The following LRRC4C variants were observed in gnomAD, a reference collection of about 807,000 sequenced individuals.
The protein encoded by LRRC4C is leucine rich repeat containing 4C.
A neutral mutation model predicts 33.6 loss-of-function variants in LRRC4C; 5 were observed. That is an observed-to-expected ratio of 0.15 (90% CI 0.08 to 0.31). The LOEUF is 0.31. Ranked by LOEUF, LRRC4C falls within the 10% of genes least tolerant of loss-of-function variation. LRRC4C has a pLI of 1.00. For synonymous variants in LRRC4C, 329 were observed against 302.0 expected, an observed-to-expected ratio of 1.09 and a Z score of -0.93; for missense variants, 560 against 796.7, an observed-to-expected ratio of 0.70 and a Z score of 3.58.
At chr11:41,454,277 A>G (rs1373363255) in intron 1 of LRRC4C, among the ~76,000 whole-genome samples, 1 of 152,144 alleles carries the variant, frequency 6.6e-6, no homozygotes, top group Non-Finnish European at 1.5e-5. Flanking sequence ...AATAAAGGTC[A>G]CACAGAATGA....
chr11:41,325,244 A>AG (rs1429079939), intron 1 of LRRC4C, among the ~76,000 whole-genome samples: 5 of 152,156 alleles, frequency 3.3e-5, no homozygotes, highest in African/African-American at 1.2e-4. Context: ...ATGTATATTA[A>AG]GCTTGTGAAT....
chr11:40,319,122 T>C (rs1436900604), intron 4 of LRRC4C, among the ~76,000 whole-genome samples: 2 of 152,214 alleles, frequency 1.3e-5, no homozygotes, highest in Non-Finnish European at 2.9e-5. Flanking sequence ...ATTTCTATTT[T>C]TCTTTCTTCC....
At chr11:41,314,756 G>T (rs1764773408) in intron 1 of LRRC4C, among the ~76,000 whole-genome samples, 1 of 151,666 alleles carries the variant, frequency 6.6e-6, no homozygotes, top group South Asian at 2.1e-4. Context: ...ATGTATCAAA[G>T]CTACATATTG....
chr11:40,193,563 G>A (rs927265502), intron 5 of LRRC4C, among the ~76,000 whole-genome samples: 1 of 150,700 alleles, frequency 6.6e-6, no homozygotes, highest in African/African-American at 2.5e-5. Flanking sequence ...AAAGGATCAC[G>A]ACTCCTCGCC....
chr11:41,162,499 A>C (rs762353167), intron 1 of LRRC4C, among the ~76,000 whole-genome samples: 27 of 152,180 alleles, frequency 1.8e-4, no homozygotes, highest in Admixed American at 5.9e-4. Context: ...CAAAAATCAT[A>C]GGGTGTATTT....
intron 5 of LRRC4C, among the ~76,000 whole-genome samples, chr11:40,143,130 A>G (rs553921228): frequency 1.3e-5 from 2 of 152,186 alleles, no homozygotes; most frequent in African/African-American, 4.8e-5. Context: ...TCACCCATGC[A>G]TTGGAAATTC....
At chr11:40,273,960 G>T (rs371722823) in intron 4 of LRRC4C, among the ~76,000 whole-genome samples, 2 of 152,020 alleles carry the variant, frequency 1.3e-5, no homozygotes, top group African/African-American at 4.8e-5. Flanking sequence ...TCCCCACGAG[G>T]TAGGGGGCAG....
At chr11:41,003,640 G>A (rs776641019) in intron 1 of LRRC4C, among the ~76,000 whole-genome samples, 1 of 151,148 alleles carries the variant, frequency 6.6e-6, no homozygotes, top group Non-Finnish European at 1.5e-5. Flanking sequence ...AAAACATGAA[G>A]GAAAAATATT....
At chr11:41,069,018 A>G (rs1449296215) in intron 1 of LRRC4C, among the ~76,000 whole-genome samples, 1 of 152,230 alleles carries the variant, frequency 6.6e-6, no homozygotes, top group East Asian at 1.9e-4. Context: ...AAAAATCCTC[A>G]GTAAAATACT....
At chr11:40,642,082 T>G (rs1479384025) in intron 3 of LRRC4C, among the ~76,000 whole-genome samples, 3 of 150,372 alleles carry the variant, frequency 2.0e-5, no homozygotes, top group Non-Finnish European at 4.4e-5. Flanking sequence ...CATGGGTGGG[T>G]GGGATTGACA....
At chr11:40,454,172 G>GTT (rs35415208) in intron 3 of LRRC4C, among the ~76,000 whole-genome samples, 10 of 138,442 alleles carry the variant, frequency 7.2e-5, no homozygotes, top group Non-Finnish European at 8.0e-5. Context: ...CTTGATTAAA[G>GTT]TTTTTTTTTT....
intron 2 of LRRC4C, among the ~76,000 whole-genome samples, chr11:40,862,742 AC>A (rs953767148): frequency 3.3e-5 from 5 of 152,268 alleles, no homozygotes; most frequent in African/African-American, 1.2e-4. Context: ...TGTCACCTAG[AC>A]CCACAATTTT....
intron 1 of LRRC4C, among the ~76,000 whole-genome samples, chr11:41,077,857 C>T (rs1232924699): frequency 3.3e-5 from 5 of 152,184 alleles, no homozygotes; most frequent in Admixed American, 2.6e-4. Context: ...TAAACATAAG[C>T]TTCAATTTCA....
intron 3 of LRRC4C, among the ~76,000 whole-genome samples, chr11:40,627,600 A>G (rs1027283601): frequency 6.6e-6 from 1 of 152,150 alleles, no homozygotes; most frequent in African/African-American, 2.4e-5. Flanking sequence ...CTTTGATACT[A>G]ATGTCTTCTT....
chr11:40,487,130 G>A (rs1203144239), intron 3 of LRRC4C, among the ~76,000 whole-genome samples: 3 of 152,032 alleles, frequency 2.0e-5, no homozygotes, highest in Non-Finnish European at 4.4e-5. Flanking sequence ...GCTACTATCC[G>A]TGAACTGACA....
chr11:40,298,383 G>A (rs1188522842), intron 4 of LRRC4C, among the ~76,000 whole-genome samples: 1 of 150,928 alleles, frequency 6.6e-6, no homozygotes, highest in Non-Finnish European at 1.5e-5. Flanking sequence ...TGAGTTAACT[G>A]CTTGCTGATC....
chr11:40,826,486 C>A (rs1952175051), intron 2 of LRRC4C, among the ~76,000 whole-genome samples: 1 of 151,756 alleles, frequency 6.6e-6, no homozygotes, highest in Non-Finnish European at 1.5e-5. Context: ...GTGCCATACG[C>A]CCCCTTCTTT....
At chr11:41,084,786 T>G (rs1590493148) in intron 1 of LRRC4C, among the ~76,000 whole-genome samples, 1 of 151,966 alleles carries the variant, frequency 6.6e-6, no homozygotes, top group African/African-American at 2.4e-5. Context: ...AAGGTGGAGG[T>G]TGCAGTGAGC....
chr11:41,249,205 T>A (rs1948556257), intron 1 of LRRC4C, among the ~76,000 whole-genome samples: 2 of 152,056 alleles, frequency 1.3e-5, no homozygotes, highest in African/African-American at 4.8e-5. Context: ...TGGCTAATTT[T>A]TTGTATTTTT....
Sources: allele counts gnomAD v4.1 joint callset (sites outside exome capture counted in the v4.1 genomes callset), GRCh38; gene constraint gnomAD v4.1.1; transcripts MANE v1.5; gene names NCBI Gene and HGNC (gene_info 2026-07-23, HGNC 2026-07-21).